The following ANK3 variants were observed in gnomAD, a reference collection of about 807,000 sequenced individuals.
The protein encoded by ANK3 is ankyrin 3.
ANK3 carries 57 observed loss-of-function variants against 370.9 expected under a neutral mutation model. That is an observed-to-expected ratio of 0.15 (90% CI 0.12 to 0.19). The LOEUF is 0.19. Ranked by LOEUF, ANK3 falls within the 10% of genes least tolerant of loss-of-function variation. ANK3 has a pLI of 1.00. For synonymous variants in ANK3, 1,929 were observed against 1,946.3 expected, an observed-to-expected ratio of 0.99 and a Z score of 0.23; for missense variants, 4,439 against 5,302.1, an observed-to-expected ratio of 0.84 and a Z score of 5.06.
At chr10:60,148,330 C>G (rs2094929550) in intron 23 of ANK3, among the ~76,000 whole-genome samples, 1 of 151,968 alleles carries the variant, frequency 6.6e-6, no homozygotes, top group Non-Finnish European at 1.5e-5. Flanking sequence ...TTTATTAACC[C>G]AAACAAGATC....
intron 2 of ANK3, among the ~76,000 whole-genome samples, chr10:60,465,941 T>C (rs1250192257): frequency 6.6e-6 from 1 of 152,064 alleles, no homozygotes; most frequent in Non-Finnish European, 1.5e-5. Flanking sequence ...CTAGAGATCA[T>C]CTCATATGAG....
rs1269957963 is a variant in ANK3 at position 60,138,845 on chromosome 10, AT to A, written c.2738+118del. ...ATTTGCGTCGAGAACATTTCGCTAA[AT>A]TCACATCTTCATCCAAAGAACACAT... On this transcript the variant is annotated intron_variant, in intron 24 of 43. Coordinates refer to ENST00000280772, the MANE Select transcript of ANK3 (RefSeq NM_020987.5). The A allele has an allele frequency of 6.6e-6, 9 of 1,371,376 alleles. No homozygotes were observed. The East Asian group carries it at 1.9e-4, about 29-fold the overall frequency. 85.0% of individuals were successfully genotyped at this position (1,371,376 alleles called of 1,614,324 possible).
At chr10:60,465,392 A>G (rs1253164059) in intron 2 of ANK3, among the ~76,000 whole-genome samples, 1 of 152,250 alleles carries the variant, frequency 6.6e-6, no homozygotes, top group African/African-American at 2.4e-5. Flanking sequence ...ACAAAATTAC[A>G]GATCAATATG....
chr10:60,312,052 C>A (rs2046459183), intron 1 of ANK3, among the ~76,000 whole-genome samples: 1 of 152,084 alleles, frequency 6.6e-6, no homozygotes, highest in African/African-American at 2.4e-5. Flanking sequence ...TGAATGTGAG[C>A]AAGCAGAATT....
chr10:60,578,256 C>A (rs2077706825), intron 2 of ANK3, among the ~76,000 whole-genome samples: 1 of 152,112 alleles, frequency 6.6e-6, no homozygotes, highest in African/African-American at 2.4e-5. Flanking sequence ...AGACACATAG[C>A]TGTTAAATGC....
In ANK3 at chr10:60,241,644, G is replaced by A. The variant is rs142189736; in HGVS notation, c.799-6858C>T. Among the ~76,000 whole-genome samples, 131 of 152,028 alleles carry A rather than the reference G, an allele frequency of 8.6e-4. 1 individual carries two copies. Among genetic ancestry groups the A allele is most frequent in the African/African-American group, 3.0e-3 (123 of 41,460 alleles). ...TTTATAAACCACTATTTTCATCACC[G>A]GCACAATAGCATCTTATTTAACTTA... On this transcript the variant is annotated intron_variant, in intron 7 of 43. Coordinates refer to ENST00000280772, the MANE Select transcript of ANK3 (RefSeq NM_020987.5).
chr10:60,144,245 C>A, intron 23 of ANK3: 1 of 438,114 alleles, frequency 2.3e-6, no homozygotes, highest in South Asian at 1.6e-5. Context: ...TGAGAAATGA[C>A]AAGGTCCAAA....
Position 60,452,665 on chromosome 10 carries a change from C to T in ANK3, c.96+162521G>A, listed in dbSNP as rs12244940. 2.0e-5 allele frequency among the ~76,000 whole-genome samples: 3 copies of T among 152,234 alleles called. No individual in the cohort carries two copies. In the East Asian group the frequency reaches 5.8e-4, roughly 29 times the overall value. Reference sequence around the variant, plus strand: ...TTATAAAGATACTCAGAAATTCAAGCTCCATCCAATTATGTGAGTTTTTAC... The same window carrying T: ...TTATAAAGATACTCAGAAATTCAAGTTCCATCCAATTATGTGAGTTTTTAC... On this transcript the variant is annotated intron_variant, in intron 2 of 43. Coordinates refer to the ANK3 transcript ENST00000373827.
intron 21 of ANK3, among the ~76,000 whole-genome samples, chr10:60,168,998 A>G (rs537211023): frequency 6.6e-6 from 1 of 152,338 alleles, no homozygotes; most frequent in African/African-American, 2.4e-5. Flanking sequence ...TAGTGCTGCA[A>G]TGAACATACA....
Position 60,075,119 on chromosome 10 carries a change from G to A in ANK3, c.5762C>T (p.Thr1921Ile). ...DLMRMTAILQTDVPEEKPFQP... is the reference protein window; with the variant it reads ...DLMRMTAILQIDVPEEKPFQP... The stretch of plus-strand genomic sequence containing the variant: ...GAATGGCTTCTCCTCAGGCACATCT[G>A]TCTGTAGTATTGCGGTCATCCGCAT... Residue 1921 changes from threonine (T) to isoleucine (I), a missense_variant, in exon 37 of 44, where the codon ACA becomes ATA. Thr to Ile is a moderately conservative substitution (Grantham distance 89). Coordinates refer to ENST00000280772, the MANE Select transcript of ANK3 (RefSeq NM_020987.5). 3 of 1,614,070 alleles carry A rather than the reference G, an allele frequency of 1.9e-6. No individual in the cohort carries two copies. The highest frequency in any genetic ancestry group is 1.3e-5 in the African/African-American group (1 of 75,050).
chr10:60,238,716 C>T (rs113611080), intron 7 of ANK3, among the ~76,000 whole-genome samples: 130 of 152,210 alleles, frequency 8.5e-4, no homozygotes, highest in African/African-American at 3.1e-3. Flanking sequence ...GCAATGGCAG[C>T]CTTCCACTGA....
At chr10:60,564,754 G>T (rs76312256) in intron 2 of ANK3, among the ~76,000 whole-genome samples, 2,388 of 152,184 alleles carry the variant, frequency 0.016, 54 homozygotes, top group African/African-American at 0.054. Flanking sequence ...GAAAAAGAAA[G>T]AATGAGATAC....
chr10:60,355,580 C>T (rs537617596), intron 1 of ANK3, among the ~76,000 whole-genome samples: 212 of 152,254 alleles, frequency 1.4e-3, no homozygotes, highest in African/African-American at 4.7e-3. Flanking sequence ...ACATTGCTCT[C>T]ATTGAGGAAA....
At chr10:60,515,021 C>A (rs2076183361) in intron 2 of ANK3, among the ~76,000 whole-genome samples, 2 of 151,912 alleles carry the variant, frequency 1.3e-5, no homozygotes, top group South Asian at 4.2e-4. Flanking sequence ...TACACTATTG[C>A]CATCGGATAA....
At chr10:60,106,224 G>A (rs541640187) in intron 27 of ANK3, among the ~76,000 whole-genome samples, 165 bp from the exon 28 acceptor site, 9 of 152,188 alleles carry the variant, frequency 5.9e-5, no homozygotes, top group East Asian at 1.9e-4. Flanking sequence ...GAATATTTTC[G>A]AAGCCTGAAA....
chr10:60,622,972 TC>T (rs2078358117), intron 1 of ANK3, among the ~76,000 whole-genome samples: 2 of 152,144 alleles, frequency 1.3e-5, no homozygotes, highest in African/African-American at 4.8e-5. Context: ...CAAAAGAATT[TC>T]CCCTAACCAC....
At chr10:60,195,950 AAT>A (rs2096579788) in intron 16 of ANK3, among the ~76,000 whole-genome samples, 193 bp downstream of exon 16, 1 of 152,198 alleles carries the variant, frequency 6.6e-6, no homozygotes, top group African/African-American at 2.4e-5. Context: ...CTGACAAGTA[AAT>A]ATTTCCTGAG....
intron 2 of ANK3, among the ~76,000 whole-genome samples, chr10:60,434,361 T>G (rs940659676): frequency 2.0e-5 from 3 of 152,338 alleles, no homozygotes; most frequent in Admixed American, 2.0e-4. Context: ...CTATAGGTAA[T>G]TAGAATATGG....
In ANK3 at chr10:60,171,119, A is replaced by G. The variant is rs1011251130; in HGVS notation, c.2478+1189T>C. Among the ~76,000 whole-genome samples, 4 of 152,318 alleles carry G rather than the reference A, an allele frequency of 2.6e-5. No homozygotes were observed. In the South Asian group the frequency reaches 8.3e-4, roughly 32 times the overall value. On this transcript the variant is annotated intron_variant, in intron 21 of 43. Transcript: ENST00000280772. ...GAACACTTTTTTTGAGAACTTAATG[A>G]TAGATTTTAATATAATAAAATCCTC...
Sources: gnomAD v4.1 joint callset for allele counts (sites outside exome capture counted in the v4.1 genomes callset) on GRCh38, gnomAD v4.1.1 for gene constraint, MANE v1.5 for transcripts, NCBI Gene and HGNC (gene_info 2026-07-23, HGNC 2026-07-21) for gene names.